NOVA1: variants seen among roughly 807,000 people sequenced by gnomAD.
NOVA1 encodes NOVA alternative splicing regulator 1.
In NOVA1, 7 loss-of-function variants were observed where a neutral mutation model predicts 38.0. The observed-to-expected ratio is 0.18, with a 90% CI of 0.10 to 0.35. NOVA1 has a LOEUF of 0.35. NOVA1 is among the 10% of genes least tolerant of loss of function. The pLI, the probability that NOVA1 is intolerant of heterozygous loss-of-function variation, is 1.00. For synonymous variants in NOVA1, 270 were observed against 232.5 expected (o/e 1.16, Z -1.47); for missense variants, 460 against 616.0 (o/e 0.75, Z 2.68).
intron 2 of NOVA1, among the ~76,000 whole-genome samples, chr14:26,570,494 CAT>C (rs1168122872): frequency 6.6e-6 from 1 of 151,770 alleles, no homozygotes; most frequent in Admixed American, 6.6e-5. Flanking sequence ...ATGAATATCT[CAT>C]GTGAACAGAT....
intron 2 of NOVA1, among the ~76,000 whole-genome samples, chr14:26,532,721 C>A (rs1460726462): frequency 2.0e-5 from 3 of 152,048 alleles, no homozygotes; most frequent in Non-Finnish European, 4.4e-5. Context: ...GACTTTTGTA[C>A]CTTTTGAGGG....
rs978556813 is a variant in NOVA1 at position 26,488,935 on chromosome 14, T to A, written c.281-8792A>T. ...TTGATTTGATATCACATGTCCCAGC[T>A]GGGAAAACAGTTTGCACCAAACATG... On this transcript the variant is annotated intron_variant, in intron 2 of 4. Transcript: ENST00000539517. 2.6e-5 allele frequency among the ~76,000 whole-genome samples: 4 copies of A among 152,122 alleles called. No individual in the cohort carries two copies. In the East Asian group the frequency reaches 7.7e-4, roughly 29 times the overall value.
In NOVA1 at chr14:26,597,859, A is replaced by AG. The variant is rs1463139123; in HGVS notation, c.-424dup. ...GGGGAGAAGCCGAGGAGGAGGGGAGAGTGAGGGAAAGAGTGAATGAGCAGG... is the reference window on the plus strand; with the variant it reads ...GGGGAGAAGCCGAGGAGGAGGGGAGAGGTGAGGGAAAGAGTGAATGAGCAGG... On this transcript the variant is annotated 5_prime_UTR_variant, in exon 1 of 5. Coordinates refer to ENST00000539517, the MANE Select transcript of NOVA1 (RefSeq NM_002515.3). 1 of 156,868 alleles carries AG rather than the reference A, an allele frequency of 6.4e-6. No homozygotes were observed. The highest frequency in any genetic ancestry group is 1.3e-5 in the Non-Finnish European group (1 of 77,168). 9.7% of individuals were successfully genotyped at this position (156,868 alleles called of 1,614,324 possible).
At chr14:26,518,872 C>T (rs1197283450) in intron 2 of NOVA1, among the ~76,000 whole-genome samples, 1 of 151,876 alleles carries the variant, frequency 6.6e-6, no homozygotes, top group African/African-American at 2.4e-5. Flanking sequence ...TTGTATTTGG[C>T]AATAAGGAAC....
At chr14:26,528,892 T>G (rs1889490941) in intron 2 of NOVA1, among the ~76,000 whole-genome samples, 2 of 152,164 alleles carry the variant, frequency 1.3e-5, no homozygotes. Context: ...TCTGGTCCAG[T>G]GGTGATGAAA....
At chr14:26,540,054 T>C (rs1890364814) in intron 2 of NOVA1, among the ~76,000 whole-genome samples, 1 of 152,154 alleles carries the variant, frequency 6.6e-6, no homozygotes. Context: ...CATTTGTATT[T>C]TATCTCTGAA....
At chr14:26,540,142 C>G (rs1169184597) in intron 2 of NOVA1, among the ~76,000 whole-genome samples, 1 of 152,192 alleles carries the variant, frequency 6.6e-6, no homozygotes, top group African/African-American at 2.4e-5. Flanking sequence ...ATCCCCACTT[C>G]CCCCACACCC....
chr14:26,547,982 C>T (rs1387308637), intron 2 of NOVA1, among the ~76,000 whole-genome samples: 4 of 151,996 alleles, frequency 2.6e-5, no homozygotes, highest in Admixed American at 2.6e-4. Context: ...GCCTTTTATT[C>T]TTACTCACTT....
chr14:26,443,486 G>A lies in NOVA1; in HGVS notation c.*4473C>T, dbSNP rs929286826. On this transcript the variant is annotated 3_prime_UTR_variant, in exon 5 of 5. Coordinates refer to ENST00000539517, the MANE Select transcript of NOVA1 (RefSeq NM_002515.3). The stretch of plus-strand genomic sequence containing the variant: ...ATATAGACCAGTGGAATGACATCCT[G>A]TCTAGTACTATACCTCAATATTTTT... 1 of 151,840 alleles carries A rather than the reference G, an allele frequency of 6.6e-6. No homozygotes were observed. Among genetic ancestry groups the A allele is most frequent in the Non-Finnish European group, 1.5e-5 (1 of 67,842 alleles). The allele number at this position is 151,840 out of a possible 1,614,324, so 9.4% of individuals were successfully genotyped here.
chr14:26,476,876 C>T (rs759202419), intron 3 of NOVA1, among the ~76,000 whole-genome samples: 4 of 151,354 alleles, frequency 2.6e-5, no homozygotes, highest in African/African-American at 7.4e-5. Context: ...CCACCACACC[C>T]GGCTAATTTT....
chr14:26,493,368 T>C (rs1886506612), intron 2 of NOVA1, among the ~76,000 whole-genome samples: 1 of 152,214 alleles, frequency 6.6e-6, no homozygotes, highest in Non-Finnish European at 1.5e-5. Context: ...TACAGATCTA[T>C]GTTTCCATAA....
intron 2 of NOVA1, among the ~76,000 whole-genome samples, chr14:26,574,019 T>G (rs1366722295): frequency 3.5e-5 from 5 of 143,984 alleles, no homozygotes; most frequent in Non-Finnish European, 6.0e-5. Context: ...AAGCAAAGAT[T>G]ACACTTTTTT....
intron 2 of NOVA1, among the ~76,000 whole-genome samples, chr14:26,518,051 T>C (rs958501529): frequency 3.3e-5 from 5 of 152,088 alleles, no homozygotes; most frequent in Non-Finnish European, 5.9e-5. Flanking sequence ...ATAAACATGA[T>C]ATAAGTACAG....
intron 4 of NOVA1, among the ~76,000 whole-genome samples, chr14:26,451,109 TA>T (rs1411061723): frequency 1.3e-5 from 2 of 152,136 alleles, no homozygotes; most frequent in Non-Finnish European, 2.9e-5. Flanking sequence ...TAATAAAAGG[TA>T]ATGAAATTTT....
intron 2 of NOVA1, among the ~76,000 whole-genome samples, chr14:26,560,555 C>A (rs1891759140): frequency 6.6e-6 from 1 of 152,054 alleles, no homozygotes; most frequent in Admixed American, 6.6e-5. Flanking sequence ...ATAATAGAAT[C>A]TATCAGATTT....
At chr14:26,546,362 T>C (rs1404912072) in intron 2 of NOVA1, among the ~76,000 whole-genome samples, 1 of 152,074 alleles carries the variant, frequency 6.6e-6, no homozygotes, top group Admixed American at 6.5e-5. Flanking sequence ...CTCTAACAAA[T>C]AAAATTTGTT....
Position 26,597,461 on chromosome 14 carries a change from C to T in NOVA1, c.-25G>A, listed in dbSNP as rs758213329. ...TGTTTGCAGTTCCTGCCGCTGCTAC[C>T]GGGAGAAGGTTCTCCCTTTTGTTTT... On this transcript the variant is annotated 5_prime_UTR_variant, in exon 1 of 5. Coordinates refer to ENST00000539517, the MANE Select transcript of NOVA1 (RefSeq NM_002515.3). 19 of 1,265,684 alleles carry T rather than the reference C, an allele frequency of 1.5e-5. No homozygotes were observed. Among genetic ancestry groups the T allele is most frequent in the Non-Finnish European group, 1.6e-5 (16 of 1,000,116 alleles). The allele number at this position is 1,265,684 out of a possible 1,614,324, so 78.4% of individuals were successfully genotyped here. A position where few individuals can be genotyped will look rare whatever the true frequency, so the allele number is the denominator to read the frequency against.
intron 2 of NOVA1, among the ~76,000 whole-genome samples, chr14:26,577,794 T>C (rs61986558): frequency 0.23 from 34,589 of 151,980 alleles, 4,406 homozygotes; most frequent in East Asian, 0.33. Flanking sequence ...TTTAAAATCA[T>C]ATTTAATTCT....
At chr14:26,454,446 T>C (rs1882989096) in intron 4 of NOVA1, among the ~76,000 whole-genome samples, 1 of 152,166 alleles carries the variant, frequency 6.6e-6, no homozygotes, top group Non-Finnish European at 1.5e-5. Context: ...TGCTAGTGGC[T>C]ATCTTACCAC....
Sources: allele counts gnomAD v4.1 joint callset (sites outside exome capture counted in the v4.1 genomes callset), GRCh38; gene constraint gnomAD v4.1.1; transcripts MANE v1.5; gene names NCBI Gene and HGNC (gene_info 2026-07-23, HGNC 2026-07-21).